The following HERC2 variants were observed in gnomAD, a reference collection of about 807,000 sequenced individuals.
HERC2 encodes HECT and RLD domain containing E3 ubiquitin protein ligase 2, also known as E3 ubiquitin-protein ligase HERC2.
In HERC2, 102 loss-of-function variants were observed where a neutral mutation model predicts 537.7. That is an observed-to-expected ratio of 0.19 (90% confidence interval 0.16 to 0.22). The LOEUF (loss-of-function observed/expected upper bound fraction) is 0.22. HERC2 is among the 10% of genes least tolerant of loss of function. The pLI, the probability that HERC2 is intolerant of heterozygous loss-of-function variation, is 1.00. For missense variants in HERC2, 4,236 were observed against 6,198.2 expected (o/e 0.68, Z 10.63); for synonymous variants, 2,224 against 2,466.2 (o/e 0.90, Z 2.91).
chr15:28,119,154 G>A (rs1380077732), intron 86 of HERC2, among the ~76,000 whole-genome samples: 1 of 152,074 alleles, frequency 6.6e-6, no homozygotes, highest in African/African-American at 2.4e-5. Flanking sequence ...ACAGCACTTT[G>A]GGAGGCCGAG....
chr15:28,279,238 C>T (rs1268527800), intron 5 of HERC2, among the ~76,000 whole-genome samples: 1 of 152,120 alleles, frequency 6.6e-6, no homozygotes, highest in African/African-American at 2.4e-5. Context: ...ATCCGCCCAC[C>T]TCAGGCCTCC....
At position 28,229,687 on chromosome 15, in the gene HERC2, C is replaced by T. The variant is rs1901627458; in HGVS notation, c.4970G>A (p.Cys1657Tyr). The T allele has an allele frequency of 6.2e-7, 1 of 1,611,850 alleles. No homozygotes were observed. Among genetic ancestry groups the T allele is most frequent in the African/African-American group, 1.3e-5 (1 of 74,854 alleles). ...ATCAAATGTTACCTGTTTTAGTAGG[C>T]ACTTTCTCATTTTTTCCACATCCAC... is the stretch of plus-strand genomic sequence containing the variant. ...EPVDVEKMRK[C>Y]LLKQLERAEV... The change falls in exon 32 of 93, where the codon TGC (cysteine) becomes TAC (tyrosine). Residue 1657 changes from cysteine to tyrosine, a missense_variant. By Grantham distance (194) the Cys-to-Tyr change is radical. Coordinates refer to ENST00000261609, the MANE Select transcript of HERC2 (RefSeq NM_004667.6).
chr15:28,316,026 A>C, intron 2 of HERC2: 1 of 343,502 alleles, frequency 2.9e-6, no homozygotes. Context: ...GCCGAGTGTA[A>C]CAACCATATA....
At chr15:28,130,395 C>A (rs1889983167) in intron 82 of HERC2, 93 bp from the exon 83 acceptor site, 17 of 1,591,066 alleles carry the variant, frequency 1.1e-5, no homozygotes, top group Non-Finnish European at 1.4e-5. Context: ...GTTCAGGACA[C>A]AACCATAGCC....
intron 74 of HERC2, among the ~76,000 whole-genome samples, chr15:28,143,503 G>A (rs1188413215): frequency 1.5e-4 from 23 of 151,970 alleles, no homozygotes; most frequent in Admixed American, 1.5e-3. Flanking sequence ...CTGGAGTGTA[G>A]TGGCGGGATC....
chr15:28,314,159 T>A (rs2077019195), intron 2 of HERC2, among the ~76,000 whole-genome samples: 1 of 151,830 alleles, frequency 6.6e-6, no homozygotes. Flanking sequence ...GCATATACAA[T>A]ATCTGAAAGT....
At chr15:28,131,477 T>C (rs1277362429) in intron 81 of HERC2, among the ~76,000 whole-genome samples, 1 of 152,200 alleles carries the variant, frequency 6.6e-6, no homozygotes, top group Non-Finnish European at 1.5e-5. Context: ...GTGCATGCAC[T>C]GAGGTCACTG....
chr15:28,199,048 G>A (rs1897636567), intron 48 of HERC2, among the ~76,000 whole-genome samples: 1 of 151,970 alleles, frequency 6.6e-6, no homozygotes, highest in Admixed American at 6.6e-5. Flanking sequence ...TCGGGAGACT[G>A]AGTTGAGAGG....
Position 28,238,590 on chromosome 15 carries a change from G to A in HERC2, c.3748+12C>T, listed in dbSNP as rs763134618. 6.2e-7 allele frequency: 1 copy of A among 1,601,736 alleles called. No individual in the cohort carries two copies. The highest frequency in any genetic ancestry group is 8.5e-7 in the Non-Finnish European group (1 of 1,170,820). On this transcript the variant is annotated intron_variant, in intron 24 of 92. Transcript: ENST00000261609. Reference sequence around the variant, plus strand: ...GTAACTTTTAACCAGGAAATAACAAGTGTAATCTTACCAAGAATACTATTT... The same window carrying A: ...GTAACTTTTAACCAGGAAATAACAAATGTAATCTTACCAAGAATACTATTT...
chr15:28,125,552 G>C (rs1366293321), intron 83 of HERC2, among the ~76,000 whole-genome samples: 1 of 152,138 alleles, frequency 6.6e-6, no homozygotes, highest in Non-Finnish European at 1.5e-5. Context: ...AATAATATTA[G>C]AACAGATAGC....
At chr15:28,131,075 C>T (rs892096858) in intron 81 of HERC2, among the ~76,000 whole-genome samples, 22 of 151,576 alleles carry the variant, frequency 1.5e-4, no homozygotes, top group Non-Finnish European at 4.4e-5. Flanking sequence ...CTTTCCCTAT[C>T]CCACAAGCTG....
intron 12 of HERC2, among the ~76,000 whole-genome samples, chr15:28,266,866 A>G (rs143329606): frequency 1.8e-3 from 279 of 152,138 alleles, no homozygotes; most frequent in African/African-American, 6.3e-3. Flanking sequence ...ACTTGTCAAA[A>G]CCCATCCAAC....
At chr15:28,307,332 G>C (rs1220292287) in intron 2 of HERC2, among the ~76,000 whole-genome samples, 2 of 152,110 alleles carry the variant, frequency 1.3e-5, no homozygotes, top group Non-Finnish European at 2.9e-5. Flanking sequence ...TCATTTCATT[G>C]ATCTTTTGTA....
chr15:28,298,657 G>T (rs1010756978), intron 3 of HERC2: 1 of 151,846 alleles, frequency 6.6e-6, no homozygotes, highest in African/African-American at 2.4e-5. Flanking sequence ...TTAGCCGGGC[G>T]TGGTGGCGGG....
At chr15:28,147,484 T>C (rs1322859727) in intron 70 of HERC2, among the ~76,000 whole-genome samples, 1 of 150,728 alleles carries the variant, frequency 6.6e-6, no homozygotes, top group Non-Finnish European at 1.5e-5. Context: ...TTTTAAAATA[T>C]AAAATTTTAA....
At chr15:28,137,479 T>C (rs1393726791) in intron 78 of HERC2, among the ~76,000 whole-genome samples, 1 of 152,260 alleles carries the variant, frequency 6.6e-6, no homozygotes, top group African/African-American at 2.4e-5. Context: ...ACCGTCGCTA[T>C]GTCACGTTTT....
intron 55 of HERC2, among the ~76,000 whole-genome samples, chr15:28,187,773 C>A (rs887092601): frequency 6.6e-6 from 1 of 152,196 alleles, no homozygotes; most frequent in Non-Finnish European, 1.5e-5. Context: ...TCATTCAAAT[C>A]AGAACACAAG....
chr15:28,249,450 C>T (rs1904054727), intron 20 of HERC2, among the ~76,000 whole-genome samples: 1 of 152,148 alleles, frequency 6.6e-6, no homozygotes, highest in South Asian at 2.1e-4. Flanking sequence ...AACATATGTT[C>T]CCAGAAGGTA....
chr15:28,226,272 A>G (rs536076072), intron 35 of HERC2, among the ~76,000 whole-genome samples: 1 of 152,308 alleles, frequency 6.6e-6, no homozygotes, highest in South Asian at 2.1e-4. Context: ...CAGATATGGA[A>G]AAGCCAGCCT....
Sources: allele counts gnomAD v4.1 joint callset (sites outside exome capture counted in the v4.1 genomes callset), GRCh38; gene constraint gnomAD v4.1.1; transcripts MANE v1.5; gene names NCBI Gene and HGNC (gene_info 2026-07-23, HGNC 2026-07-21).